CUL3: variants seen among roughly 807,000 people sequenced by gnomAD.
CUL3 encodes the protein cullin-3.
In CUL3, 19 loss-of-function variants were observed where a neutral mutation model predicts 89.1. That is an observed-to-expected ratio of 0.21 (90% CI 0.15 to 0.31). The LOEUF (loss-of-function observed/expected upper bound fraction) is 0.31. Among genes scored for constraint, CUL3 ranks in the 10% least tolerant of loss-of-function variants. CUL3 has a pLI of 1.00. For synonymous variants in CUL3, 351 were observed against 308.4 expected (o/e 1.14, Z -1.45); for missense variants, 469 against 942.3 (o/e 0.50, Z 6.58).
chr2:224,575,567 A>G (rs778267076), intron 1 of CUL3, among the ~76,000 whole-genome samples: 1 of 152,226 alleles, frequency 6.6e-6, no homozygotes, highest in Non-Finnish European at 1.5e-5. Context: ...CCAAGCAACA[A>G]GATAGAATAA....
chr2:224,516,462 G>A (rs1559161975), intron 3 of CUL3, among the ~76,000 whole-genome samples: 1 of 150,720 alleles, frequency 6.6e-6, no homozygotes. Flanking sequence ...GACTACAGGC[G>A]CCTGCCACCA....
chr2:224,561,452 A>G (rs1454293154), intron 1 of CUL3, among the ~76,000 whole-genome samples: 1 of 152,206 alleles, frequency 6.6e-6, no homozygotes, highest in Non-Finnish European at 1.5e-5. Flanking sequence ...GAGTAGGCAA[A>G]ATAGTTATTT....
intron 3 of CUL3, among the ~76,000 whole-genome samples, chr2:224,524,591 T>C (rs1481846558): frequency 1.3e-5 from 2 of 152,044 alleles, no homozygotes; most frequent in East Asian, 3.9e-4. Context: ...GTCCTGGAAA[T>C]AAAGGCAAAC....
intron 1 of CUL3, among the ~76,000 whole-genome samples, chr2:224,570,474 A>G (rs1695157789): frequency 6.6e-6 from 1 of 152,248 alleles, no homozygotes; most frequent in Non-Finnish European, 1.5e-5. Flanking sequence ...GCACTTGCTC[A>G]ATAAATATGT....
At chr2:224,548,695 C>T (rs907190332) in intron 2 of CUL3, among the ~76,000 whole-genome samples, 2 of 152,044 alleles carry the variant, frequency 1.3e-5, no homozygotes, top group Non-Finnish European at 2.9e-5. Context: ...AAGTTTCTCC[C>T]CTGACTTCAA....
intron 1 of CUL3, among the ~76,000 whole-genome samples, chr2:224,559,324 C>T (rs1420748743): frequency 6.6e-6 from 1 of 150,866 alleles, no homozygotes; most frequent in Non-Finnish European, 1.5e-5. Flanking sequence ...CGTGGTGGCG[C>T]ATGCCTATAG....
In CUL3 at chr2:224,473,086, T is replaced by C. The variant is rs1009061660; in HGVS notation, c.*1159A>G. On this transcript the variant is annotated 3_prime_UTR_variant, in exon 16 of 16. Coordinates refer to ENST00000264414, the MANE Select transcript of CUL3 (RefSeq NM_003590.5). The stretch of plus-strand genomic sequence containing the variant: ...GCACATGTTTGAAAACGTGAAACGA[T>C]GACTCTTTGGAGGACAATAGCTAAA... 4.9e-6 allele frequency: 1 copy of C among 203,074 alleles called. No homozygotes were observed. The highest frequency in any genetic ancestry group is 1.0e-5 in the Non-Finnish European group (1 of 98,568). The allele number at this position is 203,074 out of a possible 1,614,324, so 12.6% of individuals were successfully genotyped here. A position where few individuals can be genotyped will look rare whatever the true frequency, so the allele number is the denominator to read the frequency against.
intron 2 of CUL3, among the ~76,000 whole-genome samples, chr2:224,548,796 G>A (rs187397433): frequency 1.4e-4 from 21 of 150,908 alleles, no homozygotes; most frequent in African/African-American, 4.6e-4. Flanking sequence ...CCTGGAGTTC[G>A]AGACCAGCCT....
chr2:224,522,643 C>A (rs1025377544), intron 3 of CUL3, among the ~76,000 whole-genome samples: 2 of 152,010 alleles, frequency 1.3e-5, no homozygotes, highest in African/African-American at 4.8e-5. Flanking sequence ...CTGGCTAACA[C>A]AGTGAAACCC....
chr2:224,534,928 G>T (rs959191704), intron 3 of CUL3, among the ~76,000 whole-genome samples: 1 of 151,630 alleles, frequency 6.6e-6, no homozygotes, highest in Admixed American at 6.6e-5. Flanking sequence ...GTGAACCCGG[G>T]AGGCAGAGCT....
intron 2 of CUL3, among the ~76,000 whole-genome samples, chr2:224,546,643 C>T (rs1185412458): frequency 6.9e-6 from 1 of 145,808 alleles, no homozygotes; most frequent in Non-Finnish European, 1.5e-5. Context: ...AAGAATATCA[C>T]TAAAAAATAC....
chr2:224,572,897 C>A (rs917551480), intron 1 of CUL3, among the ~76,000 whole-genome samples: 2 of 152,164 alleles, frequency 1.3e-5, no homozygotes, highest in Non-Finnish European at 2.9e-5. Context: ...TTGAACTTCC[C>A]AGCCTCCACA....
intron 11 of CUL3, chr2:224,499,742 C>T (rs1427240336): frequency 4.7e-6 from 1 of 212,498 alleles, no homozygotes; most frequent in Non-Finnish European, 1.0e-5. Flanking sequence ...CAGACAATGT[C>T]TAAGTGTCCA....
intron 1 of CUL3, 49 bp downstream of exon 1, chr2:224,584,895 T>G (rs1574715059): frequency 7.2e-7 from 1 of 1,398,346 alleles, no homozygotes. Flanking sequence ...CGTGCGGCTC[T>G]CGGCCCGGCC....
intron 3 of CUL3, among the ~76,000 whole-genome samples, chr2:224,524,478 C>G (rs1160022715): frequency 6.6e-6 from 1 of 152,110 alleles, no homozygotes; most frequent in Non-Finnish European, 1.5e-5. Flanking sequence ...GAAGAGACAA[C>G]TGTTAGAATT....
chr2:224,578,658 T>C (rs1383020588), intron 1 of CUL3, among the ~76,000 whole-genome samples: 1 of 152,172 alleles, frequency 6.6e-6, no homozygotes, highest in Non-Finnish European at 1.5e-5. Flanking sequence ...AGTGATTTGT[T>C]CTTACTAGTA....
chr2:224,528,231 C>G (rs1197464089), intron 3 of CUL3, among the ~76,000 whole-genome samples: 1 of 152,158 alleles, frequency 6.6e-6, no homozygotes, highest in Non-Finnish European at 1.5e-5. Context: ...CTTATGGAGG[C>G]TCTCAGGAGC....
chr2:224,548,476 A>G (rs1694387718), intron 2 of CUL3, among the ~76,000 whole-genome samples: 1 of 152,252 alleles, frequency 6.6e-6, no homozygotes, highest in African/African-American at 2.4e-5. Context: ...AGTTAATTTT[A>G]AATGTTAACT....
chr2:224,503,636 C>T lies in CUL3; in HGVS notation c.1377+16G>A, dbSNP rs765551680. The T allele has an allele frequency of 2.5e-5, 39 of 1,551,814 alleles. No homozygotes were observed. Among genetic ancestry groups the T allele is most frequent in the Non-Finnish European group, 3.2e-5 (37 of 1,153,496 alleles). ...CTCAGTTAGGTGCACTCTATTTCAT[C>T]TAAAACACACCTTACCTTTAACTTA... On this transcript the variant is annotated intron_variant, in intron 9 of 15. Coordinates refer to ENST00000264414, the MANE Select transcript of CUL3 (RefSeq NM_003590.5).
Sources: allele counts gnomAD v4.1 joint callset (sites outside exome capture counted in the v4.1 genomes callset), GRCh38; gene constraint gnomAD v4.1.1; transcripts MANE v1.5; gene names NCBI Gene and HGNC (gene_info 2026-07-23, HGNC 2026-07-21).